PGA5: variants seen among roughly 807,000 people sequenced by gnomAD.
The protein encoded by PGA5 is pepsinogen A5.
Under a neutral mutation model 15.9 loss-of-function variants are expected in PGA5, and 19 were observed. That is an observed-to-expected ratio of 1.19 (90% CI 0.83 to 1.75). The LOEUF is 1.75. PGA5 is among the 40% of genes most tolerant of loss of function. The pLI, the probability that PGA5 is intolerant of heterozygous loss-of-function variation, is 0.00. For synonymous variants in PGA5, 92 were observed against 95.8 expected (o/e 0.96, Z 0.23); for missense variants, 224 against 246.4 (o/e 0.91, Z 0.61).
In PGA5 at chr11:61,249,996, C is replaced by CA. The variant is rs1361044226; in HGVS notation, c.1000dup (p.Ser334LysfsTer32). 1 of 1,610,564 alleles carries CA rather than the reference C, an allele frequency of 6.2e-7. No homozygotes were observed. Among genetic ancestry groups the CA allele is most frequent in the African/African-American group, 1.4e-5 (1 of 73,966 alleles). ...ATGGAGTCCAGTACCCCGTGCCACCCAGTGCCTACATCCTGCAGGTGAGGA... is the reference window on the plus strand; with the variant it reads ...ATGGAGTCCAGTACCCCGTGCCACCCAAGTGCCTACATCCTGCAGGTGAGGA... On this transcript the variant is annotated frameshift_variant, in exon 8 of 9. Coordinates refer to ENST00000312403, the MANE Select transcript of PGA5 (RefSeq NM_014224.5). LOFTEE classifies it low-confidence loss of function (END_TRUNC).
At position 61,249,955 on chromosome 11, in the gene PGA5, A is replaced by C. The variant is rs1029581223; in HGVS notation, c.958A>C (p.Ile320Leu). Residue 320 changes from isoleucine (I) to leucine (L), a missense_variant, in exon 8 of 9, where the codon ATC (isoleucine) becomes CTC (leucine). Transcript: ENST00000312403. ...CTCAGCCATCAGCAGCCTGCCCGAC[A>C]TCGTCTTCACCATCAATGGAGTCCA... ...SCSAISSLPD[I>L]VFTINGVQYP... is the part of the protein sequence containing the mutation. 6.2e-7 allele frequency: 1 copy of C among 1,612,936 alleles called. No homozygotes were observed. The highest frequency in any genetic ancestry group is 1.3e-5 in the African/African-American group (1 of 74,402).
At chr11:61,248,383 A>G (rs766680395) in intron 5 of PGA5, 36 bp from the exon 6 acceptor site, 1 of 1,613,832 alleles carries the variant, frequency 6.2e-7, no homozygotes, top group South Asian at 1.1e-5. Flanking sequence ...ATGGACGAAC[A>G]AAAAAATTCA....
chr11:61,248,124 T>G (rs1407879249), intron 5 of PGA5: 2 of 693,118 alleles, frequency 2.9e-6, no homozygotes, highest in South Asian at 3.3e-5. Flanking sequence ...AAACCACACA[T>G]TCAAACTATA....
At position 61,249,547 on chromosome 11, in the gene PGA5, G is replaced by A. The variant is rs1854109550; in HGVS notation, c.774-122G>A. ...AATGAGTGCGTGAACGAGAGGAACA[G>A]AAATTTCACGCATTGGCCAATGGAT... On this transcript the variant is annotated intron_variant, in intron 6 of 8. Coordinates refer to ENST00000312403, the MANE Select transcript of PGA5 (RefSeq NM_014224.5). 6 of 1,562,904 alleles carry A rather than the reference G, an allele frequency of 3.8e-6. No homozygotes were observed. The South Asian group carries it at 5.6e-5, about 15-fold the overall frequency.
chr11:61,250,463 A>G (rs28599952), intron 8 of PGA5, among the ~76,000 whole-genome samples: 23,648 of 149,512 alleles, frequency 0.16, 2,137 homozygotes, highest in African/African-American at 0.2. Flanking sequence ...CCTAATTTCC[A>G]TAGGCTGGGG....
intron 8 of PGA5, 48 bp downstream of exon 8, chr11:61,250,062 G>A: frequency 6.3e-7 from 1 of 1,590,586 alleles, no homozygotes; most frequent in Non-Finnish European, 8.6e-7. Context: ...ACAGAATGTG[G>A]ACACAGAGTC....
chr11:61,246,815 A>G (rs1854071567), intron 5 of PGA5, among the ~76,000 whole-genome samples: 1 of 151,872 alleles, frequency 6.6e-6, no homozygotes, highest in African/African-American at 2.4e-5. Context: ...AAGTGACTAT[A>G]CTTAGACCAA....
At chr11:61,250,707 G>A (rs1375732066) in intron 8 of PGA5, 3 of 466,104 alleles carry the variant, frequency 6.4e-6, no homozygotes, top group South Asian at 4.6e-5. Flanking sequence ...AAGCTCCCCA[G>A]GTGATGTGCA....
In PGA5 at chr11:61,249,903, T is replaced by G; in HGVS notation, c.919-13T>G. 2 of 1,613,542 alleles carry G rather than the reference T, an allele frequency of 1.2e-6. No individual in the cohort carries two copies. Among genetic ancestry groups the G allele is most frequent in the Non-Finnish European group, 1.7e-6 (2 of 1,179,828 alleles). Reference sequence around the variant, plus strand: ...AAAACCCTTCTAACTTTTCTCACCCTCACTCTTTCCAGATGGTGGTCAGCT... The same window carrying G: ...AAAACCCTTCTAACTTTTCTCACCCGCACTCTTTCCAGATGGTGGTCAGCT... On this transcript the variant is annotated splice_polypyrimidine_tract_variant and intron_variant, in intron 7 of 8. Coordinates refer to ENST00000312403, the MANE Select transcript of PGA5 (RefSeq NM_014224.5).
intron 6 of PGA5, among the ~76,000 whole-genome samples, chr11:61,249,095 C>T (rs1466226490): frequency 1.3e-5 from 2 of 151,994 alleles, no homozygotes; most frequent in African/African-American, 4.8e-5. Flanking sequence ...AGGACAGAGA[C>T]TTTCAGTACT....
chr11:61,246,043 T>C lies in PGA5; in HGVS notation c.554T>C (p.Leu185Pro). Residue 185 changes from leucine (L) to proline (P), a missense_variant, in exon 5 of 9, where the codon CTG becomes CCG. Leu to Pro is a moderately conservative substitution (Grantham distance 98). Transcript: ENST00000312403. ...YYAPFDGILG[L>P]AYPSISSSGA... ...GCTCCCTTCGATGGCATCCTGGGGC[T>C]GGCCTACCCCAGCATTTCCTCCTCC... The C allele has an allele frequency of 4.9e-6, 2 of 408,488 alleles. No homozygotes were observed. The highest frequency in any genetic ancestry group is 8.3e-6 in the Non-Finnish European group (2 of 241,896). The allele number at this position is 408,488 out of a possible 1,614,324, so 25.3% of individuals were successfully genotyped here.
chr11:61,250,070 G>GT lies in PGA5; in HGVS notation c.1017+57dup, dbSNP rs1304965736. 1.2e-4 allele frequency: 195 copies of GT among 1,580,316 alleles called. 3 individuals carry two copies. Among genetic ancestry groups the GT allele is most frequent in the Non-Finnish European group, 1.4e-4 (163 of 1,163,002 alleles). ...GGTTCACACAGAATGTGGACACAGA[G>GT]TCCCCTTCTGCAGAGGGAAAGTACA... On this transcript the variant is annotated intron_variant, in intron 8 of 8. Transcript: ENST00000312403.
intron 8 of PGA5, among the ~76,000 whole-genome samples, chr11:61,250,502 G>A (rs1422920093): frequency 6.6e-6 from 1 of 151,376 alleles, no homozygotes; most frequent in Non-Finnish European, 1.5e-5. Flanking sequence ...TCTCTACCAA[G>A]TAGCAAATCT....
In PGA5 at chr11:61,249,693, C is replaced by T. The variant is rs373857767; in HGVS notation, c.798C>T (p.Ile266=). The T allele has an allele frequency of 1.9e-5, 31 of 1,613,426 alleles. No homozygotes were observed. Among genetic ancestry groups the T allele is most frequent in the Middle Eastern group, 1.6e-4 (1 of 6,078 alleles). The change falls in exon 7 of 9, where the codon ATC becomes ATT. Residue 266 remains isoleucine (I), a synonymous_variant. Transcript: ENST00000312403. Reference sequence around the variant, plus strand: ...GCATCACCATGAACGGAGAGACCATCGCCTGTGCTGAGGGCTGCCAGGCCA... The same window carrying T: ...GCATCACCATGAACGGAGAGACCATTGCCTGTGCTGAGGGCTGCCAGGCCA... The part of the protein sequence containing the change: ...VDSITMNGET[I]ACAEGCQAIV...
In PGA5 at chr11:61,248,496, C is replaced by G. The variant is rs755093419; in HGVS notation, c.734C>G (p.Pro245Arg). The G allele has an allele frequency of 6.2e-7, 1 of 1,613,364 alleles. No individual in the cohort carries two copies. Among genetic ancestry groups the G allele is most frequent in the South Asian group, 1.1e-5 (1 of 91,044 alleles). The stretch of plus-strand genomic sequence containing the variant: ...TACACTGGAAGTCTGAACTGGGTGC[C>G]TGTTACCGTCGAGGGTTACTGGCAG... ...SYYTGSLNWV[P>R]VTVEGYWQIT... is the part of the protein sequence containing the mutation. The change falls in exon 6 of 9, where the codon CCT becomes CGT. Residue 245 changes from proline (P) to arginine (R), a missense_variant. Physicochemically the swap from Pro to Arg is moderately radical, Grantham distance 103. Coordinates refer to ENST00000312403, the MANE Select transcript of PGA5 (RefSeq NM_014224.5).
In PGA5 at chr11:61,248,428, G is replaced by C; in HGVS notation, c.666G>C (p.Lys222Asn). The C allele has an allele frequency of 2.5e-6, 4 of 1,613,854 alleles. No homozygotes were observed. Among genetic ancestry groups the C allele is most frequent in the Non-Finnish European group, 3.4e-6 (4 of 1,179,868 alleles). Residue 222 changes from lysine to asparagine, a missense_variant, in exon 6 of 9, where the codon AAG (lysine) becomes AAC (asparagine). Transcript: ENST00000312403. ...LFSVYLSADDKSGSVVIFGGI... is the reference protein window; with the variant it reads ...LFSVYLSADDNSGSVVIFGGI... Reference sequence around the variant, plus strand: ...CCCTCACTTTCCACAGCGATGACAAGAGTGGCAGCGTGGTGATCTTTGGTG... The same window carrying C: ...CCCTCACTTTCCACAGCGATGACAACAGTGGCAGCGTGGTGATCTTTGGTG...
At chr11:61,248,661 G>A (rs554999832) in intron 6 of PGA5, 126 bp downstream of exon 6, 3 of 1,555,264 alleles carry the variant, frequency 1.9e-6, no homozygotes, top group Non-Finnish European at 1.8e-6. Context: ...CACACTCCAG[G>A]GGGAAGGTGG....
At chr11:61,245,803 T>TC (rs1170296539) in intron 4 of PGA5, 143 bp from the exon 5 acceptor site, 1 of 94,664 alleles carries the variant, frequency 1.1e-5, no homozygotes, top group African/African-American at 2.7e-4. Flanking sequence ...CAGCAGACAG[T>TC]CCCTCTGCCC....
intron 5 of PGA5, among the ~76,000 whole-genome samples, chr11:61,247,313 C>T (rs894681436): frequency 6.7e-6 from 1 of 149,656 alleles, no homozygotes; most frequent in Admixed American, 6.6e-5. Flanking sequence ...GGGTCTCGCT[C>T]TGTCGCCCAG....
Sources: allele counts gnomAD v4.1 joint callset (sites outside exome capture counted in the v4.1 genomes callset), GRCh38; gene constraint gnomAD v4.1.1; transcripts MANE v1.5; gene names NCBI Gene and HGNC (gene_info 2026-07-23, HGNC 2026-07-21).